The following AK2 variants were observed in gnomAD, a reference collection of about 807,000 sequenced individuals.
AK2 encodes the protein adenylate kinase 2, also known as adenylate kinase 2, mitochondrial.
A neutral mutation model predicts 24.6 loss-of-function variants in AK2; 15 were observed. The observed-to-expected ratio is 0.61, with a 90% CI of 0.41 to 0.94. The LOEUF is 0.94. Ranked by LOEUF, AK2 falls within the 40% of genes least tolerant of loss-of-function variation. AK2 has a pLI of 0.00. For synonymous variants in AK2, 102 were observed against 114.0 expected, an observed-to-expected ratio of 0.90 and a Z score of 0.67; for missense variants, 257 against 304.1, an observed-to-expected ratio of 0.85 and a Z score of 1.15.
Position 33,008,192 on chromosome 1 carries a change from C to T in AK2, c.*4989G>A, listed in dbSNP as rs1246655531. On this transcript the variant is annotated 3_prime_UTR_variant, in exon 6 of 6. Transcript: ENST00000672715. ...AGCATCTGCTGTGTCCTGGGCAGTC[C>T]AACCCACATGAGTATCTTGGTCACT... is the stretch of plus-strand genomic sequence containing the variant. 2 of 454,172 alleles carry T rather than the reference C, an allele frequency of 4.4e-6. No homozygotes were observed. Among genetic ancestry groups the T allele is most frequent in the African/African-American group, 2.0e-5 (1 of 49,994 alleles). The allele number at this position is 454,172 out of a possible 1,614,324, so 28.1% of individuals were successfully genotyped here. A position where few individuals can be genotyped will look rare whatever the true frequency, so the allele number is the denominator to read the frequency against.
chr1:33,031,813 G>C (rs1456819232), intron 1 of AK2: 1 of 374,694 alleles, frequency 2.7e-6, no homozygotes, highest in Non-Finnish European at 5.4e-6. Context: ...AATGAGGAGG[G>C]GTTGGCAAAA....
At position 33,012,122 on chromosome 1, in the gene AK2, C is replaced by T. The variant is rs1416590579; in HGVS notation, c.*1059G>A. 1.3e-6 allele frequency: 2 copies of T among 1,535,450 alleles called. No individual in the cohort carries two copies. Among genetic ancestry groups the T allele is most frequent in the Non-Finnish European group, 1.7e-6 (2 of 1,146,724 alleles). On this transcript the variant is annotated 3_prime_UTR_variant, in exon 6 of 6. Transcript: ENST00000672715. The stretch of plus-strand genomic sequence containing the variant: ...GATTTGACTGCTCTCAGATGATCAG[C>T]CTGGATGTTCAGAAGACAATCTGAA...
At position 33,012,116 on chromosome 1, in the gene AK2, G is replaced by C. The variant is rs1638858963; in HGVS notation, c.*1065C>G. 6.5e-7 allele frequency: 1 copy of C among 1,535,418 alleles called. No homozygotes were observed. On this transcript the variant is annotated 3_prime_UTR_variant, in exon 6 of 6. Transcript: ENST00000672715. ...GAAGTAGATTTGACTGCTCTCAGATGATCAGCCTGGATGTTCAGAAGACAA... is the reference window on the plus strand; with the variant it reads ...GAAGTAGATTTGACTGCTCTCAGATCATCAGCCTGGATGTTCAGAAGACAA...
intron 5 of AK2, 135 bp downstream of exon 5, chr1:33,014,387 A>T (rs1639040697): frequency 4.4e-5 from 32 of 720,390 alleles, no homozygotes. Flanking sequence ...GATTTACTTG[A>T]TAGTGTTATT....
Position 33,009,001 on chromosome 1 carries a change from G to C in AK2, c.*4180C>G, listed in dbSNP as rs189506091. ...AAGGGAGGAAAGAAAATTTTCACAG[G>C]GTATTTAAAAAGCTCAGGGAACAAA... On this transcript the variant is annotated 3_prime_UTR_variant, in exon 6 of 6. Coordinates refer to ENST00000672715, the MANE Select transcript of AK2 (RefSeq NM_001625.4). 2.2e-5 allele frequency: 10 copies of C among 454,036 alleles called. No homozygotes were observed. In the East Asian group the frequency reaches 6.3e-4, roughly 28 times the overall value. 28.1% of individuals were successfully genotyped at this position (454,036 alleles called of 1,614,324 possible). A position where few individuals can be genotyped will look rare whatever the true frequency, so the allele number is the denominator to read the frequency against.
At position 33,009,493 on chromosome 1, in the gene AK2, T is replaced by C. The variant is rs1454358720; in HGVS notation, c.*3688A>G. ...CAGGAAGCAGATATCTTTCTGTGTA[T>C]ATCTGGATCCAACTAACATTTATCC... On this transcript the variant is annotated 3_prime_UTR_variant, in exon 6 of 6. Coordinates refer to ENST00000672715, the MANE Select transcript of AK2 (RefSeq NM_001625.4). The C allele has an allele frequency of 1.3e-5, 6 of 454,160 alleles. No individual in the cohort carries two copies. Among genetic ancestry groups the C allele is most frequent in the African/African-American group, 2.0e-5 (1 of 50,146 alleles). The allele number at this position is 454,160 out of a possible 1,614,324, so 28.1% of individuals were successfully genotyped here. A position where few individuals can be genotyped will look rare whatever the true frequency, so the allele number is the denominator to read the frequency against.
chr1:33,012,816 G>A lies in AK2; in HGVS notation c.*365C>T. On this transcript the variant is annotated 3_prime_UTR_variant, in exon 6 of 6. Transcript: ENST00000672715. The stretch of plus-strand genomic sequence containing the variant: ...GGAGGCTGAGGTGGGATAATTGCTT[G>A]AGCCCCAGGAGGCAGAGGTTGCCGT... 1 of 1,142,000 alleles carries A rather than the reference G, an allele frequency of 8.8e-7. No homozygotes were observed. The highest frequency in any genetic ancestry group is 1.3e-5 in the South Asian group (1 of 77,722). The allele number at this position is 1,142,000 out of a possible 1,614,324, so 70.7% of individuals were successfully genotyped here.
chr1:33,014,468 A>C, intron 5 of AK2, 54 bp downstream of exon 5: 1 of 1,363,370 alleles, frequency 7.3e-7, no homozygotes, highest in Non-Finnish European at 1.0e-6. Flanking sequence ...AAAGAAAAAC[A>C]GTGAAGAAAG....
At chr1:33,025,624 G>A (rs924186418) in intron 1 of AK2, among the ~76,000 whole-genome samples, 9 of 152,224 alleles carry the variant, frequency 5.9e-5, no homozygotes, top group Non-Finnish European at 1.0e-4. Context: ...CAAGAGCACA[G>A]GCTTGAGAGT....
chr1:33,027,695 G>T (rs12409924), intron 1 of AK2, among the ~76,000 whole-genome samples: 51,342 of 150,388 alleles, frequency 0.34, 9,210 homozygotes, highest in African/African-American at 0.44. Context: ...TGCAGTGAGC[G>T]GAGATCGCGC....
At position 33,013,148 on chromosome 1, in the gene AK2, G is replaced by A. The variant is rs372620503; in HGVS notation, c.*33C>T. 8.1e-6 allele frequency: 13 copies of A among 1,614,040 alleles called. No individual in the cohort carries two copies. The African/African-American group carries it at 1.3e-4, about 17-fold the overall frequency. ...TATCATTCCCACCCATTGCCTCACA[G>A]GGATGGAAAGAAATTCCTTCTTGGA... is the stretch of plus-strand genomic sequence containing the variant. On this transcript the variant is annotated 3_prime_UTR_variant, in exon 6 of 6. Transcript: ENST00000672715.
rs1228385513 is a variant in AK2, at chr1:33,009,621, GC to G, written c.*3559del. On this transcript the variant is annotated 3_prime_UTR_variant, in exon 6 of 6. Coordinates refer to ENST00000672715, the MANE Select transcript of AK2 (RefSeq NM_001625.4). Reference sequence around the variant, plus strand: ...GTGGCATAACCAACTTCCTTTTTCAGCTGAGGAAACAGGAGCACAGTGAATA... The same window carrying G: ...GTGGCATAACCAACTTCCTTTTTCAGTGAGGAAACAGGAGCACAGTGAATA... The G allele has an allele frequency of 4.4e-6, 2 of 453,968 alleles. No homozygotes were observed. Among genetic ancestry groups the G allele is most frequent in the African/African-American group, 4.0e-5 (2 of 49,982 alleles). 28.1% of individuals were successfully genotyped at this position (453,968 alleles called of 1,614,324 possible).
At chr1:33,033,062 CTG>C (rs570932086) in intron 1 of AK2, among the ~76,000 whole-genome samples, 144 of 151,642 alleles carry the variant, frequency 9.5e-4, no homozygotes, top group African/African-American at 3.3e-3. Context: ...ACTCGGGAGA[CTG>C]AGGCAGAATG....
intron 1 of AK2, among the ~76,000 whole-genome samples, chr1:33,028,602 A>G (rs1430288863): frequency 1.3e-5 from 2 of 152,126 alleles, no homozygotes; most frequent in Non-Finnish European, 2.9e-5. Context: ...GCTGGGCTCT[A>G]AACTACACTT....
At chr1:33,020,275 T>C in intron 4 of AK2, 2 of 804,548 alleles carry the variant, frequency 2.5e-6, no homozygotes, top group Non-Finnish European at 3.9e-6. Context: ...TTCTAAACTT[T>C]GTACAGATGG....
At chr1:33,023,247 A>G (rs79065405) in intron 2 of AK2, among the ~76,000 whole-genome samples, 4,973 of 152,276 alleles carry the variant, frequency 0.033, 182 homozygotes, top group African/African-American at 0.093. Context: ...TATTTGTCCA[A>G]TCAGGTCAAC....
rs748489922 is a variant in AK2, at chr1:33,013,098, T to A, written c.*83A>T. Reference sequence around the variant, plus strand: ...ACATCAAATGATATTTTTGCTAGCCTGAGGAAGCTTCTCTTTGCCTGTCCT... The same window carrying A: ...ACATCAAATGATATTTTTGCTAGCCAGAGGAAGCTTCTCTTTGCCTGTCCT... On this transcript the variant is annotated 3_prime_UTR_variant, in exon 6 of 6. Transcript: ENST00000672715. 10 of 1,612,408 alleles carry A rather than the reference T, an allele frequency of 6.2e-6. No homozygotes were observed. In the East Asian group the frequency reaches 2.2e-4, roughly 36 times the overall value.
rs1300478664 is a variant in AK2, at chr1:33,021,303, A to G, written c.425+64T>C. On this transcript the variant is annotated intron_variant, in intron 4 of 5. Transcript: ENST00000672715. ...AGCTTCATGGCCGGGATTAGGCAAG[A>G]GCAATTCTCAGAGTTTGAGAAAGCT... 2.1e-6 allele frequency: 3 copies of G among 1,402,708 alleles called. No individual in the cohort carries two copies. In the African/African-American group the frequency reaches 4.2e-5, roughly 20 times the overall value. The allele number at this position is 1,402,708 out of a possible 1,614,324, so 86.9% of individuals were successfully genotyped here.
intron 1 of AK2, among the ~76,000 whole-genome samples, chr1:33,033,834 G>A (rs1020857417): frequency 3.3e-5 from 5 of 152,112 alleles, no homozygotes; most frequent in African/African-American, 7.2e-5. Context: ...TGTCTCTGCA[G>A]GCTAAATGTT....
Sources: allele counts gnomAD v4.1 joint callset (sites outside exome capture counted in the v4.1 genomes callset), GRCh38; gene constraint gnomAD v4.1.1; transcripts MANE v1.5; gene names NCBI Gene and HGNC (gene_info 2026-07-23, HGNC 2026-07-21).